Variants in STON1 observed in about 807,000 individuals in gnomAD.
STON1 encodes stonin-1.
A neutral mutation model predicts 60.9 loss-of-function variants in STON1; 79 were observed. The observed-to-expected ratio is 1.30, with a 90% CI of 1.08 to 1.56. The LOEUF is 1.56. Ranked by LOEUF, STON1 falls within the 40% of genes most tolerant of loss-of-function variation. STON1 has a pLI of 0.00. For missense variants in STON1, 1,166 were observed against 858.9 expected, an observed-to-expected ratio of 1.36 and a Z score of -4.47; for synonymous variants, 363 against 306.9, an observed-to-expected ratio of 1.18 and a Z score of -1.91.
chr2:48,561,573 G>C (rs1032947705), intron 1 of STON1, among the ~76,000 whole-genome samples: 1 of 152,144 alleles, frequency 6.6e-6, no homozygotes, highest in African/African-American at 2.4e-5. Flanking sequence ...TTGACATTTT[G>C]GACTGGAAAA....
At chr2:48,538,494 A>C (rs1291517434) in intron 1 of STON1, among the ~76,000 whole-genome samples, 2 of 152,130 alleles carry the variant, frequency 1.3e-5, no homozygotes, top group Non-Finnish European at 2.9e-5. Context: ...TTCTTAGCAT[A>C]GTTATTCGTA....
rs905043118 is a variant in STON1, at chr2:48,567,111, C to G, written c.-47-13476C>G. 4.6e-5 allele frequency among the ~76,000 whole-genome samples: 7 copies of G among 152,242 alleles called. No homozygotes were observed. The East Asian group carries it at 1.4e-3, about 29-fold the overall frequency. ...TTAGGGAATTGAGCTGGAACCAGCACTGACAATATTTGAAAGCATGGTTAG... is the reference window on the plus strand; with the variant it reads ...TTAGGGAATTGAGCTGGAACCAGCAGTGACAATATTTGAAAGCATGGTTAG... On this transcript the variant is annotated intron_variant, in intron 1 of 3. Transcript: ENST00000404752.
At chr2:48,576,767 G>A (rs1052083857) in intron 1 of STON1, among the ~76,000 whole-genome samples, 1 of 151,994 alleles carries the variant, frequency 6.6e-6, no homozygotes, top group Non-Finnish European at 1.5e-5. Context: ...AAGAAATACC[G>A]TTTGCAGGCC....
At chr2:48,559,360 G>A (rs1005295385) in intron 1 of STON1, among the ~76,000 whole-genome samples, 8 of 152,178 alleles carry the variant, frequency 5.3e-5, no homozygotes, top group African/African-American at 1.4e-4. Context: ...TGGACTTGAT[G>A]TCTGCTGAGG....
At chr2:48,542,733 C>A (rs1339108158) in intron 1 of STON1, among the ~76,000 whole-genome samples, 1 of 152,022 alleles carries the variant, frequency 6.6e-6, no homozygotes, top group African/African-American at 2.4e-5. Context: ...GGCAAAACCC[C>A]ATCTCTACAA....
At chr2:48,562,419 G>A (rs1672651000) in intron 1 of STON1, among the ~76,000 whole-genome samples, 1 of 152,182 alleles carries the variant, frequency 6.6e-6, no homozygotes, top group Admixed American at 6.5e-5. Context: ...TAGCAATGGC[G>A]AATGCTGATT....
intron 2 of STON1, among the ~76,000 whole-genome samples, chr2:48,589,701 G>T (rs548687066): frequency 6.6e-6 from 1 of 152,042 alleles, no homozygotes; most frequent in Non-Finnish European, 1.5e-5. Context: ...AATTTTCATC[G>T]TAAAATTTCC....
chr2:48,580,993 A>C lies in STON1; in HGVS notation c.360A>C (p.Glu120Asp). 1 of 1,574,366 alleles carries C rather than the reference A, an allele frequency of 6.4e-7. No individual in the cohort carries two copies. Among genetic ancestry groups the C allele is most frequent in the Non-Finnish European group, 8.6e-7 (1 of 1,163,344 alleles). The change falls in exon 2 of 4, where the codon GAA (glutamate) becomes GAC (aspartate). Residue 120 changes from glutamate to aspartate, a missense_variant. Glu to Asp is a conservative substitution (Grantham distance 45). Transcript: ENST00000404752. Reference sequence around the variant, plus strand: ...GCCCACTCGCAATATCAGGAGGAGAATCTTCCTTACTGCCTACCAGACCAA... The same window carrying C: ...GCCCACTCGCAATATCAGGAGGAGACTCTTCCTTACTGCCTACCAGACCAA... ...SDSPLAISGG[E>D]SSLLPTRPTC... is the part of the protein sequence containing the mutation.
intron 2 of STON1, among the ~76,000 whole-genome samples, chr2:48,582,873 T>C (rs1673979119): frequency 6.6e-6 from 1 of 152,220 alleles, no homozygotes; most frequent in African/African-American, 2.4e-5. Context: ...GATTAACGCA[T>C]CAACTTCAAA....
At chr2:48,542,284 A>G (rs1671686509) in intron 1 of STON1, among the ~76,000 whole-genome samples, 1 of 152,176 alleles carries the variant, frequency 6.6e-6, no homozygotes, top group Non-Finnish European at 1.5e-5. Flanking sequence ...TGGCCCTTTT[A>G]AGAGCTTTAT....
chr2:48,564,128 C>T (rs925818542), intron 1 of STON1, among the ~76,000 whole-genome samples: 42 of 152,178 alleles, frequency 2.8e-4, no homozygotes, highest in Non-Finnish European at 5.9e-5. Flanking sequence ...AGGCATTTGA[C>T]CATGGGTATT....
chr2:48,549,325 C>T (rs1429680941), intron 1 of STON1, among the ~76,000 whole-genome samples: 1 of 152,202 alleles, frequency 6.6e-6, no homozygotes, highest in Non-Finnish European at 1.5e-5. Flanking sequence ...CCGCAGGAGC[C>T]TCCTTTTGTA....
intron 1 of STON1, among the ~76,000 whole-genome samples, chr2:48,560,155 C>T (rs181794615): frequency 1.9e-3 from 283 of 152,276 alleles, no homozygotes; most frequent in African/African-American, 6.2e-3. Context: ...TAAGACCTGG[C>T]GAGATCCTTT....
At position 48,595,556 on chromosome 2, in the gene STON1, C is replaced by G. The variant is rs1674751755; in HGVS notation, c.*254C>G. The G allele has an allele frequency of 4.6e-6, 2 of 439,410 alleles. No homozygotes were observed. Among genetic ancestry groups the G allele is most frequent in the East Asian group, 9.0e-5 (2 of 22,234 alleles). 27.2% of individuals were successfully genotyped at this position (439,410 alleles called of 1,614,324 possible). On this transcript the variant is annotated 3_prime_UTR_variant, in exon 4 of 4. Transcript: ENST00000404752. ...TGATGTTTTGCTTCCTATTGAAACT[C>G]AAAGGCACTGTTACTCGTTGTGTGA...
At chr2:48,582,656 G>A (rs1199599934) in intron 2 of STON1, 93 bp downstream of exon 2, 1 of 1,503,310 alleles carries the variant, frequency 6.7e-7, no homozygotes, top group Non-Finnish European at 8.9e-7. Flanking sequence ...GAGACAGATG[G>A]CAATTTGTCA....
At chr2:48,586,014 AT>A (rs1398455100) in intron 2 of STON1, among the ~76,000 whole-genome samples, 1 of 152,266 alleles carries the variant, frequency 6.6e-6, no homozygotes, top group East Asian at 1.9e-4. Context: ...TTTGTAGTCC[AT>A]TCCTATTGCT....
chr2:48,545,889 T>C (rs1281915600), intron 1 of STON1, among the ~76,000 whole-genome samples: 1 of 152,246 alleles, frequency 6.6e-6, no homozygotes, highest in African/African-American at 2.4e-5. Flanking sequence ...AGGCTGACAT[T>C]ACTTTCTGGG....
chr2:48,585,589 C>A (rs999065353), intron 2 of STON1, among the ~76,000 whole-genome samples: 1 of 152,154 alleles, frequency 6.6e-6, no homozygotes, highest in Non-Finnish European at 1.5e-5. Context: ...GCAAATTGAA[C>A]CATTTGCATC....
chr2:48,595,390 T>G lies in STON1; in HGVS notation c.*88T>G. Reference sequence around the variant, plus strand: ...AAGTCCTGCTACTGTAGAGTGGAAATGACTTCTGAATAGCGGTTTTAGGAC... The same window carrying G: ...AAGTCCTGCTACTGTAGAGTGGAAAGGACTTCTGAATAGCGGTTTTAGGAC... On this transcript the variant is annotated 3_prime_UTR_variant, in exon 4 of 4. Transcript: ENST00000404752. The G allele has an allele frequency of 8.2e-7, 1 of 1,218,980 alleles. No individual in the cohort carries two copies. Among genetic ancestry groups the G allele is most frequent in the Non-Finnish European group, 1.2e-6 (1 of 838,434 alleles). 75.5% of individuals were successfully genotyped at this position (1,218,980 alleles called of 1,614,324 possible). A position where few individuals can be genotyped will look rare whatever the true frequency, so the allele number is the denominator to read the frequency against.
Sources: allele counts gnomAD v4.1 joint callset (sites outside exome capture counted in the v4.1 genomes callset), GRCh38; gene constraint gnomAD v4.1.1; transcripts MANE v1.5; gene names NCBI Gene and HGNC (gene_info 2026-07-23, HGNC 2026-07-21).